Variants in GPM6A observed in about 807,000 individuals in gnomAD.
GPM6A encodes the protein neuronal membrane glycoprotein M6-a.
A neutral mutation model predicts 32.1 loss-of-function variants in GPM6A; 7 were observed. The observed-to-expected ratio is 0.22, with a 90% CI of 0.12 to 0.41. The LOEUF (loss-of-function observed/expected upper bound fraction) is 0.41, where lower values mean the gene tolerates loss of function less well. Among genes scored for constraint, GPM6A ranks in the 10% least tolerant of loss-of-function variants. GPM6A has a pLI of 1.00. For missense variants in GPM6A, 235 were observed against 347.2 expected, an observed-to-expected ratio of 0.68 and a Z score of 2.57; for synonymous variants, 130 against 123.4, an observed-to-expected ratio of 1.05 and a Z score of -0.35.
chr4:175,759,297 CG>C (rs138945516), intron 1 of GPM6A, among the ~76,000 whole-genome samples: 4 of 150,576 alleles, frequency 2.7e-5, no homozygotes, highest in Middle Eastern at 3.4e-3. Context: ...TTGAGGAATA[CG>C]GGGGGGGCAA....
chr4:175,685,178 C>T (rs112237079), intron 2 of GPM6A, among the ~76,000 whole-genome samples: 2,793 of 152,214 alleles, frequency 0.018, 84 homozygotes, highest in African/African-American at 0.063. Context: ...CGTGAGCCAC[C>T]GCGCCTGGCC....
At chr4:175,711,508 T>C (rs893388534) in intron 1 of GPM6A, among the ~76,000 whole-genome samples, 1 of 144,592 alleles carries the variant, frequency 6.9e-6, no homozygotes, top group African/African-American at 2.6e-5. Flanking sequence ...TATATACTTG[T>C]ATATATAAAT....
intron 1 of GPM6A, among the ~76,000 whole-genome samples, chr4:175,866,533 A>G (rs1349339175): frequency 2.0e-5 from 3 of 152,114 alleles, no homozygotes; most frequent in African/African-American, 7.2e-5. Flanking sequence ...GCCTTTACAA[A>G]TTGGCTTCTT....
At chr4:176,002,195 A>C in intron 1 of GPM6A, 3 of 1,164,260 alleles carry the variant, frequency 2.6e-6, no homozygotes, top group Non-Finnish European at 3.8e-6. Flanking sequence ...CGCGGGGGGA[A>C]CAGAGCTGGG....
chr4:175,839,447 A>G lies in GPM6A; in HGVS notation c.-22-27198T>C, dbSNP rs534686550. Reference sequence around the variant, plus strand: ...ATACAAATGAAAACCTGGAAGAAATAGTTTGGACTTCACCAAAAGTAAAAC... The same window carrying G: ...ATACAAATGAAAACCTGGAAGAAATGGTTTGGACTTCACCAAAAGTAAAAC... On this transcript the variant is annotated intron_variant, in intron 1 of 7. Transcript: ENST00000280187. Among the ~76,000 whole-genome samples, 18 of 152,354 alleles carry G rather than the reference A, an allele frequency of 1.2e-4. 1 individual carries two copies. The highest frequency in any genetic ancestry group is 9.8e-4 in the Admixed American group (15 of 15,310).
chr4:175,951,853 C>T (rs1051360761), intron 1 of GPM6A, among the ~76,000 whole-genome samples: 2 of 152,144 alleles, frequency 1.3e-5, no homozygotes, highest in African/African-American at 2.4e-5. Context: ...GGGCCCCATT[C>T]AATCACTTGA....
At chr4:175,705,071 A>G (rs769623456) in intron 1 of GPM6A, among the ~76,000 whole-genome samples, 3 of 152,284 alleles carry the variant, frequency 2.0e-5, no homozygotes, top group Non-Finnish European at 2.9e-5. Context: ...CCTCCACACT[A>G]TGCTCTACAG....
intron 1 of GPM6A, among the ~76,000 whole-genome samples, chr4:175,914,173 G>A (rs1738412702): frequency 6.6e-6 from 1 of 152,064 alleles, no homozygotes; most frequent in South Asian, 2.1e-4. Context: ...GGGGGGGTAG[G>A]GATATGTAGT....
intron 1 of GPM6A, among the ~76,000 whole-genome samples, chr4:175,949,170 G>T (rs1221021102): frequency 2.0e-5 from 3 of 152,096 alleles, no homozygotes; most frequent in Admixed American, 1.3e-4. Flanking sequence ...TTATCCATGG[G>T]TAGTGTGATA....
intron 3 of GPM6A, among the ~76,000 whole-genome samples, chr4:175,665,654 C>T (rs908201312): frequency 3.3e-5 from 5 of 151,148 alleles, no homozygotes; most frequent in East Asian, 2.0e-4. Context: ...TGTGGTGGTG[C>T]GCCCATGATC....
In GPM6A at chr4:175,633,266, A is replaced by G. The variant is rs1473835601; in HGVS notation, c.*1639T>C. On this transcript the variant is annotated 3_prime_UTR_variant, in exon 7 of 7. Transcript: ENST00000393658. The stretch of plus-strand genomic sequence containing the variant: ...ATCTGTAATACTGCATATATCAGAA[A>G]AATGTTGAACCAGTAAGATAATCTA... The G allele has an allele frequency of 6.6e-6, 1 of 152,478 alleles. No homozygotes were observed. Among genetic ancestry groups the G allele is most frequent in the Non-Finnish European group, 1.5e-5 (1 of 67,922 alleles). 9.4% of individuals were successfully genotyped at this position (152,478 alleles called of 1,614,324 possible).
At chr4:175,671,839 G>T in intron 3 of GPM6A, among the ~76,000 whole-genome samples, 1 of 152,144 alleles carries the variant, frequency 6.6e-6, no homozygotes, top group Admixed American at 6.5e-5. Context: ...TCATTCCGGG[G>T]TGTCAGGGAG....
intron 1 of GPM6A, among the ~76,000 whole-genome samples, chr4:175,721,358 C>T (rs1192900133): frequency 6.6e-6 from 1 of 151,504 alleles, no homozygotes; most frequent in Non-Finnish European, 1.5e-5. Flanking sequence ...TGCCTGTAGT[C>T]CCAGCTATTC....
intron 1 of GPM6A, among the ~76,000 whole-genome samples, chr4:175,834,894 G>T (rs1448011488): frequency 6.6e-6 from 1 of 152,080 alleles, no homozygotes; most frequent in African/African-American, 2.4e-5. Flanking sequence ...TTCATCCCTG[G>T]TATTTACACT....
At chr4:175,644,944 TA>T (rs35716170) in intron 4 of GPM6A, among the ~76,000 whole-genome samples, 2 of 151,660 alleles carry the variant, frequency 1.3e-5, no homozygotes, top group Admixed American at 1.3e-4. Flanking sequence ...CCGTCTCTAC[TA>T]AAAAAATACA....
intron 1 of GPM6A, among the ~76,000 whole-genome samples, chr4:175,751,170 TAAAG>T (rs1732320760): frequency 6.6e-6 from 1 of 152,024 alleles, no homozygotes; most frequent in African/African-American, 2.4e-5. Context: ...TAAAATGCTT[TAAAG>T]AGTCATAAAA....
At chr4:175,879,887 C>T (rs1259931438) in intron 1 of GPM6A, among the ~76,000 whole-genome samples, 4 of 152,018 alleles carry the variant, frequency 2.6e-5, no homozygotes, top group African/African-American at 9.6e-5. Context: ...AAACACCCAC[C>T]AAGTTAAGCA....
chr4:175,903,880 C>G (rs1485243171), intron 1 of GPM6A, among the ~76,000 whole-genome samples: 1 of 152,008 alleles, frequency 6.6e-6, no homozygotes, highest in Non-Finnish European at 1.5e-5. Flanking sequence ...GAATATGGAC[C>G]ATGGATAACG....
At chr4:175,971,031 G>C in intron 1 of GPM6A, 1 of 354,246 alleles carries the variant, frequency 2.8e-6, no homozygotes, top group East Asian at 9.3e-5. Flanking sequence ...GCCTCAGTTA[G>C]GAAAGTAAAG....
Sources: gnomAD v4.1 joint callset for allele counts (sites outside exome capture counted in the v4.1 genomes callset) on GRCh38, gnomAD v4.1.1 for gene constraint, MANE v1.5 for transcripts, NCBI Gene and HGNC (gene_info 2026-07-23, HGNC 2026-07-21) for gene names.